Variants in FAF1 observed in about 807,000 individuals in gnomAD.
The protein encoded by FAF1 is FAS-associated factor 1.
In FAF1, 25 loss-of-function variants were observed where a neutral mutation model predicts 92.5. The observed-to-expected ratio is 0.27, with a 90% confidence interval of 0.20 to 0.38. The LOEUF (loss-of-function observed/expected upper bound fraction) is 0.38. FAF1 is among the 10% of genes least tolerant of loss of function. The pLI is 1.00. For synonymous variants in FAF1, 234 were observed against 273.2 expected (o/e 0.86, Z 1.42); for missense variants, 636 against 793.3 (o/e 0.80, Z 2.38).
chr1:50,922,693 C>T (rs1193363391), intron 1 of FAF1, among the ~76,000 whole-genome samples: 1 of 150,556 alleles, frequency 6.6e-6, no homozygotes, highest in Non-Finnish European at 1.5e-5. Flanking sequence ...TGGTGCATAC[C>T]TATAATCCCA....
chr1:50,794,948 T>C (rs2124583253), intron 3 of FAF1, among the ~76,000 whole-genome samples: 1 of 152,312 alleles, frequency 6.6e-6, no homozygotes, highest in African/African-American at 2.4e-5. Flanking sequence ...AATATATTTG[T>C]TTCTTAAGTG....
At chr1:50,530,875 A>G (rs1648130276) in intron 15 of FAF1, among the ~76,000 whole-genome samples, 1 of 152,180 alleles carries the variant, frequency 6.6e-6, no homozygotes, top group African/African-American at 2.4e-5. Context: ...TAGCTCTGCA[A>G]ACAGAAGGGG....
At chr1:50,679,717 T>A (rs549847413) in intron 7 of FAF1, among the ~76,000 whole-genome samples, 22 of 152,320 alleles carry the variant, frequency 1.4e-4, no homozygotes, top group African/African-American at 5.3e-4. Flanking sequence ...GTAAAGCACA[T>A]AGTAGTAAAT....
At chr1:50,875,250 T>C (rs1033534698) in intron 1 of FAF1, among the ~76,000 whole-genome samples, 1 of 151,868 alleles carries the variant, frequency 6.6e-6, no homozygotes, top group Non-Finnish European at 1.5e-5. Flanking sequence ...ATTTTGGGGG[T>C]TTGTTGTTTT....
Position 50,931,891 on chromosome 1 carries a change from T to TAAATA in FAF1, c.45+27875_45+27876insTATTT, listed in dbSNP as rs199744504. On this transcript the variant is annotated intron_variant, in intron 1 of 18. Coordinates refer to ENST00000396153, the MANE Select transcript of FAF1 (RefSeq NM_007051.3). The stretch of plus-strand genomic sequence containing the variant: ...TCTGTCTCAAAAATAAATAAATAAA[T>TAAATA]AATAATAATAATAATAATAATAATA... 7.0e-4 allele frequency among the ~76,000 whole-genome samples: 56 copies of TAAATA among 79,750 alleles called. 1 individual carries two copies. The highest frequency in any genetic ancestry group is 6.6e-3 in the Middle Eastern group (1 of 152). The allele number at this position is 79,750 out of a possible 152,430, so 52.3% of individuals were successfully genotyped here. A position where few individuals can be genotyped will look rare whatever the true frequency, so the allele number is the denominator to read the frequency against.
At chr1:50,910,747 T>C (rs1644878946) in intron 1 of FAF1, among the ~76,000 whole-genome samples, 1 of 151,840 alleles carries the variant, frequency 6.6e-6, no homozygotes, top group Non-Finnish European at 1.5e-5. Context: ...AGTATTAGGG[T>C]GGGAGTGTCC....
At chr1:50,645,094 C>G (rs758715108) in intron 8 of FAF1, among the ~76,000 whole-genome samples, 3 of 152,104 alleles carry the variant, frequency 2.0e-5, no homozygotes, top group Admixed American at 6.6e-5. Context: ...GTGTTATTTG[C>G]AAAAGACTCT....
At chr1:50,769,982 C>T (rs1371134757) in intron 4 of FAF1, among the ~76,000 whole-genome samples, 2 of 152,040 alleles carry the variant, frequency 1.3e-5, no homozygotes, top group Non-Finnish European at 1.5e-5. Flanking sequence ...ACCCGGGAGG[C>T]GGACGTTGCA....
intron 15 of FAF1, among the ~76,000 whole-genome samples, chr1:50,503,957 T>C (rs1017052685): frequency 6.6e-6 from 1 of 152,190 alleles, no homozygotes; most frequent in Non-Finnish European, 1.5e-5. Flanking sequence ...ACTATTTTGA[T>C]TGTGGTAAGG....
At chr1:50,572,103 A>T (rs906487816) in intron 12 of FAF1, among the ~76,000 whole-genome samples, 10 of 152,144 alleles carry the variant, frequency 6.6e-5, no homozygotes, top group African/African-American at 2.2e-4. Context: ...TATCATCAGT[A>T]ATCAGAATCA....
chr1:50,926,105 T>C (rs1645004351), intron 1 of FAF1, among the ~76,000 whole-genome samples: 1 of 152,084 alleles, frequency 6.6e-6, no homozygotes, highest in African/African-American at 2.4e-5. Flanking sequence ...TAATCCCAGT[T>C]ACTCGGGAGA....
At chr1:50,450,458 T>C (rs1268261233) in intron 18 of FAF1, among the ~76,000 whole-genome samples, 2 of 152,188 alleles carry the variant, frequency 1.3e-5, no homozygotes, top group Non-Finnish European at 2.9e-5. Flanking sequence ...TCACTGCCTC[T>C]CAACTTCTGA....
chr1:50,802,106 T>C (rs535561697), intron 2 of FAF1, among the ~76,000 whole-genome samples: 1 of 152,274 alleles, frequency 6.6e-6, no homozygotes, highest in East Asian at 1.9e-4. Context: ...TTTTTTTTTT[T>C]TGAGATGGAG....
intron 17 of FAF1, among the ~76,000 whole-genome samples, chr1:50,478,547 A>C (rs1268505774): frequency 1.3e-5 from 2 of 152,202 alleles, no homozygotes; most frequent in East Asian, 3.9e-4. Context: ...TCATTGAAAA[A>C]ACAGATTAAA....
At chr1:50,618,705 AT>A (rs886933894) in intron 8 of FAF1, among the ~76,000 whole-genome samples, 9 of 150,094 alleles carry the variant, frequency 6.0e-5, no homozygotes, top group African/African-American at 2.2e-4. Flanking sequence ...GTCCTTCTTA[AT>A]TTTTACTAAC....
intron 6 of FAF1, among the ~76,000 whole-genome samples, chr1:50,721,389 A>T (rs1378168666): frequency 6.6e-6 from 1 of 151,406 alleles, no homozygotes; most frequent in Non-Finnish European, 1.5e-5. Flanking sequence ...TAATTTTTGT[A>T]TTTTTAGTAG....
intron 2 of FAF1, among the ~76,000 whole-genome samples, chr1:50,846,245 CAAA>C (rs75791117): frequency 7.5e-6 from 1 of 134,146 alleles, no homozygotes; most frequent in Non-Finnish European, 1.6e-5. Context: ...ACAATGCATA[CAAA>C]AAAAAAAAAG....
At chr1:50,943,165 T>C (rs912006476) in intron 1 of FAF1, among the ~76,000 whole-genome samples, 9 of 152,238 alleles carry the variant, frequency 5.9e-5, no homozygotes, top group African/African-American at 2.2e-4. Context: ...TCAGGCACTC[T>C]GATTAATCCA....
chr1:50,606,336 T>G (rs1652398437), intron 8 of FAF1, among the ~76,000 whole-genome samples: 1 of 152,114 alleles, frequency 6.6e-6, no homozygotes, highest in Non-Finnish European at 1.5e-5. Context: ...ATCCAAATGA[T>G]GCCGACCAAT....
Sources: allele counts gnomAD v4.1 joint callset (sites outside exome capture counted in the v4.1 genomes callset), GRCh38; gene constraint gnomAD v4.1.1; transcripts MANE v1.5; gene names NCBI Gene and HGNC (gene_info 2026-07-23, HGNC 2026-07-21).